The following CTNNA2 variants were observed in gnomAD, a reference collection of about 807,000 sequenced individuals.
CTNNA2 encodes catenin alpha 2.
A neutral mutation model predicts 101.0 loss-of-function variants in CTNNA2; 42 were observed. The ratio of observed to expected loss-of-function variants is 0.42; its 90% confidence interval spans 0.32 to 0.54. The LOEUF (loss-of-function observed/expected upper bound fraction) is 0.54, where lower values mean the gene tolerates loss of function less well. Among genes scored for constraint, CTNNA2 ranks in the 20% least tolerant of loss-of-function variants. The probability of loss-of-function intolerance (pLI) is 0.14; values close to 1 mark genes in which losing one functional copy is unlikely to be tolerated. For synonymous variants in CTNNA2, 450 were observed against 456.4 expected (o/e 0.99, Z 0.18); for missense variants, 871 against 1,223.1 (o/e 0.71, Z 4.29).
At chr2:79,914,035 C>T (rs1459623582) in intron 7 of CTNNA2, among the ~76,000 whole-genome samples, 7 of 150,486 alleles carry the variant, frequency 4.7e-5, no homozygotes, top group Admixed American at 3.4e-4. Context: ...GGCGTAGTGG[C>T]GGGCGCCTGT....
At chr2:79,713,802 G>A (rs148746558) in intron 2 of CTNNA2, among the ~76,000 whole-genome samples, 181 of 152,296 alleles carry the variant, frequency 1.2e-3, no homozygotes, top group African/African-American at 3.9e-3. Flanking sequence ...AAATTAGTGT[G>A]TGGGATAGGA....
At chr2:79,357,081 C>G (rs1025620062) in intron 3 of CTNNA2, among the ~76,000 whole-genome samples, 1 of 152,150 alleles carries the variant, frequency 6.6e-6, no homozygotes. Flanking sequence ...AATCCTAACA[C>G]TCTGGGAGAC....
intron 1 of CTNNA2, among the ~76,000 whole-genome samples, chr2:79,608,557 T>C (rs1257905923): frequency 6.6e-6 from 1 of 152,074 alleles, no homozygotes; most frequent in Non-Finnish European, 1.5e-5. Flanking sequence ...AATGTGACTA[T>C]ATCATGACTA....
chr2:79,818,972 CT>C (rs1677790697), intron 3 of CTNNA2, among the ~76,000 whole-genome samples: 1 of 139,916 alleles, frequency 7.1e-6, no homozygotes, highest in African/African-American at 2.6e-5. Context: ...CCTCCATATT[CT>C]TTTTCTTTTT....
chr2:80,630,736 TTAAAA>T (rs1395756872), intron 18 of CTNNA2, among the ~76,000 whole-genome samples: 3 of 152,136 alleles, frequency 2.0e-5, no homozygotes, highest in East Asian at 1.9e-4. Context: ...AAAGTGATAG[TTAAAA>T]TAATCATTTT....
chr2:79,361,274 A>G (rs1252145715), intron 3 of CTNNA2, among the ~76,000 whole-genome samples: 4 of 152,212 alleles, frequency 2.6e-5, no homozygotes, highest in Admixed American at 2.6e-4. Flanking sequence ...TAGACAAACA[A>G]ACAAGAGTAG....
intron 2 of CTNNA2, among the ~76,000 whole-genome samples, chr2:79,307,572 G>C (rs1676276220): frequency 6.6e-6 from 1 of 152,138 alleles, no homozygotes; most frequent in African/African-American, 2.4e-5. Flanking sequence ...TTTTATGGCT[G>C]AATAGTATTC....
chr2:79,775,438 A>G (rs768665462), intron 3 of CTNNA2, among the ~76,000 whole-genome samples: 1 of 152,220 alleles, frequency 6.6e-6, no homozygotes, highest in Non-Finnish European at 1.5e-5. Flanking sequence ...ATCAAAGCAT[A>G]TTGGAACTTA....
chr2:80,500,852 A>G (rs1687825859), intron 9 of CTNNA2, among the ~76,000 whole-genome samples: 1 of 152,048 alleles, frequency 6.6e-6, no homozygotes, highest in African/African-American at 2.4e-5. Flanking sequence ...TTAATAAGCT[A>G]TTTTTCATTA....
At chr2:80,615,958 C>G (rs1698817748) in intron 17 of CTNNA2, among the ~76,000 whole-genome samples, 1 of 151,632 alleles carries the variant, frequency 6.6e-6, no homozygotes, top group South Asian at 2.1e-4. Flanking sequence ...ATACTTCATC[C>G]TAATTCTATT....
At chr2:79,844,031 A>G (rs1245709097) in intron 3 of CTNNA2, among the ~76,000 whole-genome samples, 10 of 152,238 alleles carry the variant, frequency 6.6e-5, no homozygotes, top group Non-Finnish European at 1.5e-5. Context: ...TTAAATTTGT[A>G]GTGAAAAATA....
At chr2:80,452,336 G>A (rs1280990044) in intron 9 of CTNNA2, among the ~76,000 whole-genome samples, 1 of 151,620 alleles carries the variant, frequency 6.6e-6, no homozygotes, top group Non-Finnish European at 1.5e-5. Context: ...GACAGGCATT[G>A]TGCTAGGTAC....
At chr2:80,250,149 C>T (rs1433831367) in intron 7 of CTNNA2, among the ~76,000 whole-genome samples, 1 of 151,756 alleles carries the variant, frequency 6.6e-6, no homozygotes, top group Non-Finnish European at 1.5e-5. Flanking sequence ...ACACGATACA[C>T]ACACACATTT....
At chr2:79,784,131 C>T (rs889379699) in intron 3 of CTNNA2, among the ~76,000 whole-genome samples, 1 of 152,114 alleles carries the variant, frequency 6.6e-6, no homozygotes, top group Non-Finnish European at 1.5e-5. Context: ...GCACCATCAC[C>T]CTCTCCCTGT....
chr2:79,984,080 A>G (rs1298358845), intron 7 of CTNNA2, among the ~76,000 whole-genome samples: 1 of 152,212 alleles, frequency 6.6e-6, no homozygotes, highest in Non-Finnish European at 1.5e-5. Context: ...CCTATTATGA[A>G]GACTTGCTAC....
chr2:79,461,098 T>C (rs998468787), intron 4 of CTNNA2, among the ~76,000 whole-genome samples: 4 of 152,178 alleles, frequency 2.6e-5, no homozygotes, highest in African/African-American at 4.8e-5. Flanking sequence ...CGCCTCAGCC[T>C]CCCAAAGTTC....
At chr2:79,396,855 C>T (rs866039725) in intron 4 of CTNNA2, among the ~76,000 whole-genome samples, 1 of 152,176 alleles carries the variant, frequency 6.6e-6, no homozygotes, top group African/African-American at 2.4e-5. Context: ...GCATGTTGCT[C>T]TCCACAAGAA....
intron 7 of CTNNA2, among the ~76,000 whole-genome samples, chr2:80,184,034 A>G (rs1206266941): frequency 6.6e-6 from 1 of 152,026 alleles, no homozygotes; most frequent in African/African-American, 2.4e-5. Context: ...AATGAGATGG[A>G]TAATAAAATT....
At chr2:80,103,996 A>G (rs1700715720) in intron 7 of CTNNA2, among the ~76,000 whole-genome samples, 1 of 152,200 alleles carries the variant, frequency 6.6e-6, no homozygotes, top group South Asian at 2.1e-4. Flanking sequence ...GGCCTCCCAA[A>G]GTGCTGGGAT....
Sources: gnomAD v4.1 joint callset for allele counts (sites outside exome capture counted in the v4.1 genomes callset) on GRCh38, gnomAD v4.1.1 for gene constraint, MANE v1.5 for transcripts, NCBI Gene and HGNC (gene_info 2026-07-23, HGNC 2026-07-21) for gene names.